The following OPRM1 variants were observed in gnomAD, a reference collection of about 807,000 sequenced individuals.
OPRM1 encodes the protein opioid receptor mu 1.
A neutral mutation model predicts 31.8 loss-of-function variants in OPRM1; 27 were observed. The ratio of observed to expected loss-of-function variants is 0.85; its 90% CI spans 0.63 to 1.17. The LOEUF (loss-of-function observed/expected upper bound fraction) is 1.17. Ranked by LOEUF, OPRM1 falls within the 50% of genes most tolerant of loss-of-function variation. The pLI, the probability that OPRM1 is intolerant of heterozygous loss-of-function variation, is 0.00. For missense variants in OPRM1, 536 were observed against 511.1 expected, an observed-to-expected ratio of 1.05 and a Z score of -0.47; for synonymous variants, 196 against 189.9, an observed-to-expected ratio of 1.03 and a Z score of -0.26.
intron 1 of OPRM1, among the ~76,000 whole-genome samples, chr6:154,073,322 C>T (rs966141234): frequency 1.6e-4 from 25 of 152,106 alleles, no homozygotes; most frequent in African/African-American, 4.6e-4. Context: ...CTCATGCATA[C>T]TTAGGGCAGA....
chr6:154,036,714 A>C (rs1313425790), upstream of OPRM1, among the ~76,000 whole-genome samples: 2 of 152,028 alleles, frequency 1.3e-5, no homozygotes, highest in African/African-American at 4.8e-5. Context: ...GTCATTAAAA[A>C]AATCACCCAG....
At chr6:154,091,534 T>C in intron 3 of OPRM1, 62 bp downstream of exon 3, 1 of 1,530,344 alleles carries the variant, frequency 6.5e-7, no homozygotes, top group South Asian at 1.3e-5. Context: ...TAAGGCTTTG[T>C]GCTAAACTAG....
At chr6:154,118,619 C>T in intron 3 of OPRM1, 64 bp from the exon 4 acceptor site, 1 of 1,522,988 alleles carries the variant, frequency 6.6e-7, no homozygotes, top group Non-Finnish European at 9.1e-7. Context: ...AGAAGATGCT[C>T]AACAAATGTG....
At chr6:154,207,173 G>A (rs539605897) in intron 3 of OPRM1, among the ~76,000 whole-genome samples, 4 of 152,314 alleles carry the variant, frequency 2.6e-5, no homozygotes, top group African/African-American at 9.6e-5. Context: ...CAGGAGAGAG[G>A]CTGGGGGAGA....
intron 3 of OPRM1, among the ~76,000 whole-genome samples, chr6:154,146,163 GC>G (rs1798353133): frequency 6.6e-6 from 1 of 152,238 alleles, no homozygotes; most frequent in Admixed American, 6.5e-5. Context: ...ACTTCGGGAG[GC>G]CAAGGCAGGC....
intron 2 of OPRM1, 64 bp from the exon 3 acceptor site, chr6:154,090,888 A>G (rs1368420187): frequency 7.5e-6 from 11 of 1,474,536 alleles, no homozygotes; most frequent in South Asian, 2.6e-5. Context: ...AAATGGCAGT[A>G]TTAACACCTT....
rs915717527 is a variant in OPRM1, at chr6:154,120,716, T to G, written c.*1995T>G. Among the ~76,000 whole-genome samples the G allele has an allele frequency of 1.3e-5, 2 of 152,212 alleles. No individual in the cohort carries two copies. The highest frequency in any genetic ancestry group is 4.8e-5 in the African/African-American group (2 of 41,462). On this transcript the variant is annotated 3_prime_UTR_variant, in exon 4 of 4. Coordinates refer to ENST00000330432, the MANE Select transcript of OPRM1 (RefSeq NM_000914.5). Reference sequence around the variant, plus strand: ...GGCTAGGATGGTTTCTCCCAAGAGATGACATAGTATTGCTTTTGCTCATCA... The same window carrying G: ...GGCTAGGATGGTTTCTCCCAAGAGAGGACATAGTATTGCTTTTGCTCATCA...
chr6:154,174,088 G>A (rs1800098006), intron 3 of OPRM1, among the ~76,000 whole-genome samples: 1 of 152,122 alleles, frequency 6.6e-6, no homozygotes, highest in Non-Finnish European at 1.5e-5. Flanking sequence ...CATAAGTGAA[G>A]GAGAAATAAA....
At chr6:154,213,078 C>A in intron 3 of OPRM1, 3 of 508,670 alleles carry the variant, frequency 5.9e-6, no homozygotes, top group Non-Finnish European at 7.0e-6. Context: ...ATCCAATATG[C>A]AGGAAGAAGA....
chr6:154,104,712 A>G (rs1427002727), intron 3 of OPRM1, among the ~76,000 whole-genome samples: 1 of 152,224 alleles, frequency 6.6e-6, no homozygotes. Flanking sequence ...TTTATTATAC[A>G]TGACCTGATT....
intron 1 of OPRM1, among the ~76,000 whole-genome samples, chr6:154,032,287 A>T (rs1277262879): frequency 6.6e-6 from 1 of 152,220 alleles, no homozygotes; most frequent in Admixed American, 6.5e-5. Flanking sequence ...CACCCATAAA[A>T]GTCTTATAAA....
chr6:154,173,294 G>C (rs1360596704), intron 3 of OPRM1, among the ~76,000 whole-genome samples: 1 of 152,098 alleles, frequency 6.6e-6, no homozygotes, highest in Non-Finnish European at 1.5e-5. Context: ...CACCAGCAAG[G>C]GAACAAAACT....
chr6:154,151,300 G>T (rs937091121), intron 3 of OPRM1, among the ~76,000 whole-genome samples: 6 of 152,232 alleles, frequency 3.9e-5, no homozygotes, highest in Non-Finnish European at 4.4e-5. Flanking sequence ...GGACAAGGGG[G>T]TGGGAGAACC....
intron 3 of OPRM1, among the ~76,000 whole-genome samples, chr6:154,111,623 A>G (rs1329652516): frequency 6.6e-6 from 1 of 152,236 alleles, no homozygotes; most frequent in Non-Finnish European, 1.5e-5. Flanking sequence ...GTGGATAAAG[A>G]TTAAAAGTGC....
Position 154,044,902 on chromosome 6 carries a change from A to G in OPRM1, c.290+5068A>G, listed in dbSNP as rs74946903. Reference sequence around the variant, plus strand: ...AGAAAAAATAAGCTCATTTTGAGAAATAACATACAACTATATGAGATTTAA... The same window carrying G: ...AGAAAAAATAAGCTCATTTTGAGAAGTAACATACAACTATATGAGATTTAA... On this transcript the variant is annotated intron_variant, in intron 1 of 3. Transcript: ENST00000330432. 5.9e-4 allele frequency among the ~76,000 whole-genome samples: 90 copies of G among 152,338 alleles called. 1 individual carries two copies. The highest frequency in any genetic ancestry group is 2.1e-3 in the African/African-American group (86 of 41,570).
intron 1 of OPRM1, among the ~76,000 whole-genome samples, chr6:154,025,202 A>G (rs1408953825): frequency 6.6e-6 from 1 of 151,970 alleles, no homozygotes; most frequent in Non-Finnish European, 1.5e-5. Context: ...GGGGTGCCCA[A>G]TGTTGGGTGC....
intron 1 of OPRM1, among the ~76,000 whole-genome samples, chr6:154,032,613 T>C (rs1779076786): frequency 1.3e-5 from 2 of 152,102 alleles, no homozygotes; most frequent in South Asian, 4.1e-4. Context: ...TTTTTTGTTT[T>C]TGTAGAGATG....
At chr6:154,102,079 ATG>A (rs1794914036) in intron 3 of OPRM1, among the ~76,000 whole-genome samples, 1 of 152,060 alleles carries the variant, frequency 6.6e-6, no homozygotes, top group African/African-American at 2.4e-5. Flanking sequence ...AGCTAAAACT[ATG>A]GGCACACACC....
intron 1 of OPRM1, among the ~76,000 whole-genome samples, chr6:154,031,132 G>C (rs930722911): frequency 6.6e-6 from 1 of 152,172 alleles, no homozygotes; most frequent in Non-Finnish European, 1.5e-5. Context: ...AGCTCTGTGA[G>C]TAGTTCACAT....
Sources: allele counts gnomAD v4.1 joint callset (sites outside exome capture counted in the v4.1 genomes callset), GRCh38; gene constraint gnomAD v4.1.1; transcripts MANE v1.5; gene names NCBI Gene and HGNC (gene_info 2026-07-23, HGNC 2026-07-21).